PALM2AKAP2: variants seen among roughly 807,000 people sequenced by gnomAD.
PALM2AKAP2 encodes the protein PALM2-AKAP2 fusion protein.
PALM2AKAP2 carries 37 observed loss-of-function variants against 71.5 expected under a neutral mutation model. The ratio of observed to expected loss-of-function variants is 0.52; its 90% CI spans 0.40 to 0.68. PALM2AKAP2 has a LOEUF of 0.68. Among genes scored for constraint, PALM2AKAP2 ranks in the 30% least tolerant of loss-of-function variants. PALM2AKAP2 has a pLI of 0.00. For missense variants in PALM2AKAP2, 1,224 were observed against 1,191.8 expected, an observed-to-expected ratio of 1.03 and a Z score of -0.40; for synonymous variants, 468 against 478.8, an observed-to-expected ratio of 0.98 and a Z score of 0.29.
chr9:109,889,090 A>T (rs944901348), intron 3 of PALM2AKAP2, among the ~76,000 whole-genome samples: 9 of 152,240 alleles, frequency 5.9e-5, no homozygotes, highest in African/African-American at 2.2e-4. Flanking sequence ...AGATTTATGA[A>T]GATAACATTA....
chr9:109,781,092 A>G lies in PALM2AKAP2; in HGVS notation c.45+559A>G, dbSNP rs563144625. ...CCTGGAGGTCTGGGGACTTCATACAACTGGGTCCTGGTTATAATATTCCAT... is the reference window on the plus strand; with the variant it reads ...CCTGGAGGTCTGGGGACTTCATACAGCTGGGTCCTGGTTATAATATTCCAT... On this transcript the variant is annotated intron_variant, in intron 1 of 9. Coordinates refer to the PALM2AKAP2 transcript ENST00000302798. Among the ~76,000 whole-genome samples, 69 of 152,276 alleles carry G rather than the reference A, an allele frequency of 4.5e-4. No homozygotes were observed. The Middle Eastern group carries it at 0.01, about 23-fold the overall frequency.
intron 6 of PALM2AKAP2, among the ~76,000 whole-genome samples, chr9:110,011,014 A>AAAAAAAAAT (rs35212981): frequency 7.2e-5 from 5 of 69,586 alleles, no homozygotes; most frequent in African/African-American, 1.6e-4. Context: ...AAAAAAAAAA[A>AAAAAAAAAT]ATATATATAT....
chr9:110,087,832 C>T (rs1416763246), intron 1 of PALM2AKAP2, among the ~76,000 whole-genome samples: 6 of 152,046 alleles, frequency 3.9e-5, no homozygotes, highest in African/African-American at 7.2e-5. Flanking sequence ...GACCTGAGAT[C>T]GTAGAGGAGG....
chr9:110,141,695 A>G (rs963138679), intron 2 of PALM2AKAP2, among the ~76,000 whole-genome samples: 5 of 152,234 alleles, frequency 3.3e-5, no homozygotes, highest in African/African-American at 7.2e-5. Context: ...ATTTCATGCC[A>G]GAAGAAGTGA....
intron 6 of PALM2AKAP2, among the ~76,000 whole-genome samples, chr9:109,990,511 C>T (rs1031513350): frequency 2.6e-5 from 4 of 152,178 alleles, no homozygotes; most frequent in Non-Finnish European, 4.4e-5. Context: ...CCTATGTAAG[C>T]GTACCCCAAG....
At chr9:109,649,869 T>C (rs1158425810) in intron 1 of PALM2AKAP2, among the ~76,000 whole-genome samples, 1 of 152,212 alleles carries the variant, frequency 6.6e-6, no homozygotes, top group Non-Finnish European at 1.5e-5. Flanking sequence ...GAGCAGATCA[T>C]TCAGACAGAT....
chr9:109,812,665 T>C (rs1162322962), intron 1 of PALM2AKAP2, among the ~76,000 whole-genome samples: 13 of 152,200 alleles, frequency 8.5e-5, no homozygotes, highest in Admixed American at 7.2e-4. Flanking sequence ...TTAACATAAA[T>C]CAGGACAGTG....
At chr9:110,137,206 C>A (rs1835903030) in exon 2 of PALM2AKAP2, 3 of 1,614,054 alleles carry the variant, frequency 1.9e-6, no homozygotes, top group Non-Finnish European at 2.5e-6. Flanking sequence ...AGATAGATTT[C>A]TCTGCTGCTC....
intron 7 of PALM2AKAP2, among the ~76,000 whole-genome samples, chr9:110,036,918 C>T (rs1833421087): frequency 6.6e-6 from 1 of 152,144 alleles, no homozygotes; most frequent in South Asian, 2.1e-4. Flanking sequence ...AGTAAAGAGT[C>T]TGTTCTTGAC....
At chr9:109,864,390 C>T (rs1829392115) in intron 1 of PALM2AKAP2, among the ~76,000 whole-genome samples, 1 of 152,348 alleles carries the variant, frequency 6.6e-6, no homozygotes, top group East Asian at 1.9e-4. Flanking sequence ...TTGCCTAACC[C>T]CCCAGATCCT....
exon 2 of PALM2AKAP2, chr9:110,136,658 G>C (rs765619092): frequency 1.2e-6 from 2 of 1,614,154 alleles, no homozygotes; most frequent in African/African-American, 1.3e-5. Flanking sequence ...CCAGCCTAGA[G>C]ATGCGCTGGG....
intron 7 of PALM2AKAP2, among the ~76,000 whole-genome samples, chr9:110,027,884 C>T (rs528532046): frequency 6.6e-4 from 100 of 152,094 alleles, no homozygotes; most frequent in Admixed American, 2.9e-3. Flanking sequence ...TTGATGATGA[C>T]GACATTGAAA....
chr9:109,698,005 C>T (rs1319379743), intron 1 of PALM2AKAP2, among the ~76,000 whole-genome samples: 1 of 152,182 alleles, frequency 6.6e-6, no homozygotes, highest in Non-Finnish European at 1.5e-5. Flanking sequence ...TATACACACA[C>T]ATCTGCTGTG....
intron 3 of PALM2AKAP2, among the ~76,000 whole-genome samples, chr9:109,911,415 A>C (rs1830566282): frequency 6.6e-6 from 1 of 152,184 alleles, no homozygotes; most frequent in Non-Finnish European, 1.5e-5. Flanking sequence ...GTAAATACAC[A>C]TGAAAAGGAG....
intron 4 of PALM2AKAP2, among the ~76,000 whole-genome samples, chr9:109,924,611 AAC>A (rs1438308990): frequency 6.6e-6 from 1 of 152,138 alleles, no homozygotes; most frequent in Non-Finnish European, 1.5e-5. Flanking sequence ...AAAAAACAAA[AAC>A]AAAAAACAAA....
intron 7 of PALM2AKAP2, among the ~76,000 whole-genome samples, chr9:110,032,216 G>A (rs1336980302): frequency 6.6e-6 from 1 of 152,058 alleles, no homozygotes; most frequent in African/African-American, 2.4e-5. Flanking sequence ...CTCCATGTCT[G>A]TGTTATGCCA....
At chr9:110,092,747 T>C (rs759622858) in intron 1 of PALM2AKAP2, among the ~76,000 whole-genome samples, 2 of 152,226 alleles carry the variant, frequency 1.3e-5, no homozygotes, top group African/African-American at 2.4e-5. Context: ...CGCCTCTCTT[T>C]CCCCACTCAG....
chr9:109,822,515 C>T (rs1828037090), intron 1 of PALM2AKAP2, among the ~76,000 whole-genome samples: 1 of 152,148 alleles, frequency 6.6e-6, no homozygotes, highest in African/African-American at 2.4e-5. Context: ...TTTTGGACCT[C>T]ACCCTTTTCC....
chr9:109,672,012 A>G (rs930196329), intron 1 of PALM2AKAP2, among the ~76,000 whole-genome samples: 5 of 152,098 alleles, frequency 3.3e-5, no homozygotes, highest in Non-Finnish European at 7.4e-5. Context: ...GGCTGAGACT[A>G]TGTGGTTTTC....
Sources: gnomAD v4.1 joint callset for allele counts (sites outside exome capture counted in the v4.1 genomes callset) on GRCh38, gnomAD v4.1.1 for gene constraint, MANE v1.5 for transcripts, NCBI Gene and HGNC (gene_info 2026-07-23, HGNC 2026-07-21) for gene names.